Variants in DGKB observed in about 807,000 individuals in gnomAD.
The protein encoded by DGKB is 90 kDa diacylglycerol kinase.
A neutral mutation model predicts 114.3 loss-of-function variants in DGKB; 67 were observed. The ratio of observed to expected loss-of-function variants is 0.59; its 90% confidence interval spans 0.48 to 0.72. The LOEUF (loss-of-function observed/expected upper bound fraction) is 0.72, where lower values mean the gene tolerates loss of function less well. Ranked by LOEUF, DGKB falls within the 30% of genes least tolerant of loss-of-function variation. The probability of loss-of-function intolerance (pLI) is 0.00; values close to 1 mark genes in which losing one functional copy is unlikely to be tolerated. For synonymous variants in DGKB, 398 were observed against 323.1 expected (o/e 1.23, Z -2.49); for missense variants, 907 against 975.2 (o/e 0.93, Z 0.93).
chr7:14,211,135 A>G (rs935062765), intron 23 of DGKB, among the ~76,000 whole-genome samples: 1 of 151,996 alleles, frequency 6.6e-6, no homozygotes, highest in Non-Finnish European at 1.5e-5. Flanking sequence ...TCCTTTCCTC[A>G]ACATTTCATG....
chr7:14,691,189 G>C (rs1226151287), intron 9 of DGKB, among the ~76,000 whole-genome samples: 1 of 152,148 alleles, frequency 6.6e-6, no homozygotes, highest in Non-Finnish European at 1.5e-5. Context: ...CATTAGAAGT[G>C]AAGATTACTC....
At chr7:14,677,782 T>C (rs1820129725) in intron 12 of DGKB, among the ~76,000 whole-genome samples, 1 of 152,078 alleles carries the variant, frequency 6.6e-6, no homozygotes, top group Non-Finnish European at 1.5e-5. Flanking sequence ...ATTTTGCCTG[T>C]CACAGAGGAT....
intron 3 of DGKB, among the ~76,000 whole-genome samples, chr7:14,754,346 T>A (rs138199398): frequency 1.2e-3 from 177 of 152,266 alleles, no homozygotes; most frequent in African/African-American, 4.1e-3. Flanking sequence ...ACATACAGTG[T>A]GATTAAAATA....
chr7:14,765,870 C>T (rs1310142877), intron 2 of DGKB, among the ~76,000 whole-genome samples: 2 of 151,828 alleles, frequency 1.3e-5, no homozygotes, highest in Non-Finnish European at 2.9e-5. Flanking sequence ...AAATGTTTAA[C>T]AACTCTTTGG....
chr7:14,892,357 C>CT, intron 1 of DGKB, among the ~76,000 whole-genome samples: 1 of 151,258 alleles, frequency 6.6e-6, no homozygotes, highest in East Asian at 1.9e-4. Context: ...CTAACCAATC[C>CT]TAACGATGAC....
At chr7:14,236,757 C>T (rs373482060) in intron 23 of DGKB, among the ~76,000 whole-genome samples, 1 of 151,924 alleles carries the variant, frequency 6.6e-6, no homozygotes, top group Non-Finnish European at 1.5e-5. Context: ...AACAACTTAA[C>T]ACATGAAAGC....
chr7:14,463,078 T>C (rs1169251969), intron 21 of DGKB, among the ~76,000 whole-genome samples: 1 of 152,124 alleles, frequency 6.6e-6, no homozygotes, highest in Non-Finnish European at 1.5e-5. Context: ...TTACACTTTA[T>C]ACAAAAATTA....
intron 21 of DGKB, among the ~76,000 whole-genome samples, chr7:14,441,289 G>A (rs1402224794): frequency 6.6e-6 from 1 of 152,118 alleles, no homozygotes; most frequent in Non-Finnish European, 1.5e-5. Flanking sequence ...TTACAGGCAT[G>A]AGCCACCACG....
intron 2 of DGKB, among the ~76,000 whole-genome samples, chr7:14,815,789 T>C (rs1844053671): frequency 6.6e-6 from 1 of 152,156 alleles, no homozygotes. Context: ...AAAGAGGTCA[T>C]GAGGAGGTCA....
chr7:14,887,429 G>C (rs1382986759), intron 1 of DGKB, among the ~76,000 whole-genome samples: 1 of 151,570 alleles, frequency 6.6e-6, no homozygotes, highest in African/African-American at 2.4e-5. Flanking sequence ...AAAAAAATTG[G>C]TTTACTCCAA....
At chr7:14,754,377 T>C (rs1406768364) in intron 3 of DGKB, among the ~76,000 whole-genome samples, 1 of 152,184 alleles carries the variant, frequency 6.6e-6, no homozygotes, top group African/African-American at 2.4e-5. Flanking sequence ...TTAACAGAAA[T>C]ATAACCATCT....
At chr7:14,846,361 T>C (rs1250364938) in intron 1 of DGKB, among the ~76,000 whole-genome samples, 2 of 152,102 alleles carry the variant, frequency 1.3e-5, no homozygotes, top group African/African-American at 4.8e-5. Context: ...ATAGTAAAAA[T>C]AAGGGTTGGT....
chr7:14,356,983 TTTTACA>T (rs1472868777), intron 21 of DGKB, among the ~76,000 whole-genome samples: 2 of 152,208 alleles, frequency 1.3e-5, no homozygotes, highest in Non-Finnish European at 2.9e-5. Flanking sequence ...ATTTCTGTTC[TTTTACA>T]TTTGCTGAGG....
chr7:14,576,645 T>G (rs1199686381), intron 19 of DGKB, among the ~76,000 whole-genome samples: 3 of 152,066 alleles, frequency 2.0e-5, no homozygotes, highest in African/African-American at 7.2e-5. Context: ...TTTTTCTCAG[T>G]CATGTCTCAG....
intron 21 of DGKB, among the ~76,000 whole-genome samples, chr7:14,367,489 G>C (rs1816877407): frequency 6.6e-6 from 1 of 151,974 alleles, no homozygotes; most frequent in Non-Finnish European, 1.5e-5. Flanking sequence ...CGCCACGGTC[G>C]TGAGGCCTCC....
intron 23 of DGKB, among the ~76,000 whole-genome samples, chr7:14,208,403 A>G (rs1032755785): frequency 2.0e-5 from 3 of 152,080 alleles, no homozygotes; most frequent in African/African-American, 7.2e-5. Context: ...ATAAAGAAGT[A>G]TATTCTACTT....
intron 21 of DGKB, among the ~76,000 whole-genome samples, chr7:14,413,829 A>G (rs1176109643): frequency 6.6e-6 from 1 of 152,172 alleles, no homozygotes; most frequent in Non-Finnish European, 1.5e-5. Flanking sequence ...AAACATCTTC[A>G]GTATTTTGGC....
chr7:14,733,146 C>G (rs1328767257), intron 5 of DGKB, among the ~76,000 whole-genome samples: 1 of 152,088 alleles, frequency 6.6e-6, no homozygotes, highest in Non-Finnish European at 1.5e-5. Context: ...AACTGTAATA[C>G]TACACATTAA....
At chr7:14,408,158 G>A (rs910963935) in intron 21 of DGKB, among the ~76,000 whole-genome samples, 2 of 152,064 alleles carry the variant, frequency 1.3e-5, no homozygotes, top group African/African-American at 4.8e-5. Flanking sequence ...CCTCTTTCAC[G>A]GTTTAATGAT....
Sources: gnomAD v4.1 joint callset for allele counts (sites outside exome capture counted in the v4.1 genomes callset) on GRCh38, gnomAD v4.1.1 for gene constraint, MANE v1.5 for transcripts, NCBI Gene and HGNC (gene_info 2026-07-23, HGNC 2026-07-21) for gene names.